The following MARCHF8 variants were observed in gnomAD, a reference collection of about 807,000 sequenced individuals.
MARCHF8 encodes the protein E3 ubiquitin-protein ligase MARCHF8.
In MARCHF8, 40 loss-of-function variants were observed where a neutral mutation model predicts 51.6. The ratio of observed to expected loss-of-function variants is 0.77; its 90% CI spans 0.60 to 1.01. MARCHF8 has a LOEUF of 1.01. Ranked by LOEUF, MARCHF8 falls within the 50% of genes least tolerant of loss-of-function variation. The pLI is 0.00. For missense variants in MARCHF8, 685 were observed against 708.6 expected (o/e 0.97, Z 0.38); for synonymous variants, 263 against 280.3 (o/e 0.94, Z 0.62).
intron 1 of MARCHF8, among the ~76,000 whole-genome samples, chr10:45,590,627 A>C (rs1049583621): frequency 6.6e-6 from 1 of 152,240 alleles, no homozygotes; most frequent in African/African-American, 2.4e-5. Flanking sequence ...AAGTTGCAGG[A>C]AAAAAAGTCC....
chr10:45,566,889 T>C (rs533944458), intron 1 of MARCHF8, among the ~76,000 whole-genome samples: 1 of 152,326 alleles, frequency 6.6e-6, no homozygotes, highest in Non-Finnish European at 1.5e-5. Flanking sequence ...TATACTAATT[T>C]CCATTCCTAC....
At chr10:45,495,875 G>T (rs1187689842) in intron 2 of MARCHF8, among the ~76,000 whole-genome samples, 1 of 151,438 alleles carries the variant, frequency 6.6e-6, no homozygotes, top group African/African-American at 2.4e-5. Context: ...AGAGAGAAAA[G>T]AAAAGAAAAG....
At chr10:45,536,713 G>A (rs1474302028), upstream of MARCHF8, among the ~76,000 whole-genome samples, 4 of 151,694 alleles carry the variant, frequency 2.6e-5, no homozygotes, top group African/African-American at 9.7e-5. Flanking sequence ...ATAAGGGCAA[G>A]GCCAGGTGCA....
At chr10:45,574,209 C>T (rs12777292) in intron 1 of MARCHF8, among the ~76,000 whole-genome samples, 18 of 152,252 alleles carry the variant, frequency 1.2e-4, no homozygotes, top group Non-Finnish European at 2.4e-4. Context: ...TCCCACAGCA[C>T]GCTTTAAAAG....
chr10:45,485,733 T>A lies in MARCHF8; in HGVS notation c.153+3634A>T, dbSNP rs181001729. Among the ~76,000 whole-genome samples the A allele has an allele frequency of 5.9e-5, 9 of 152,290 alleles. No individual in the cohort carries two copies. In the East Asian group the frequency reaches 1.7e-3, roughly 29 times the overall value. ...CCTCTAAATTTACGCCAGCAAGAGGTGAACTGCAGAAGCATAAAGCAGACT... is the reference window on the plus strand; with the variant it reads ...CCTCTAAATTTACGCCAGCAAGAGGAGAACTGCAGAAGCATAAAGCAGACT... On this transcript the variant is annotated intron_variant, in intron 3 of 7. Coordinates refer to ENST00000453424, the MANE Select transcript of MARCHF8 (RefSeq NM_001282866.2).
At chr10:45,563,542 T>C (rs1454198829) in intron 1 of MARCHF8, among the ~76,000 whole-genome samples, 1 of 151,846 alleles carries the variant, frequency 6.6e-6, no homozygotes, top group Non-Finnish European at 1.5e-5. Context: ...CAAAAATACT[T>C]CCAAACCAAT....
intron 1 of MARCHF8, among the ~76,000 whole-genome samples, chr10:45,566,347 C>T (rs544544120): frequency 6.6e-6 from 1 of 152,270 alleles, no homozygotes; most frequent in East Asian, 1.9e-4. Flanking sequence ...CTTTATTGTG[C>T]TATCAAACAG....
At chr10:45,495,975 A>C (rs921964693) in intron 2 of MARCHF8, among the ~76,000 whole-genome samples, 1 of 152,164 alleles carries the variant, frequency 6.6e-6, no homozygotes, top group East Asian at 1.9e-4. Context: ...AAAAAGATTA[A>C]CAGCTGACTT....
rs539511403 is a variant in MARCHF8, at chr10:45,463,521, C to T, written c.718G>A (p.Gly240Ser). ...TCCGCCTTCTCTTCCAGCAGCAGGC[C>T]GGGCCTGCCCCCCTTGCCAGCTTCC... ...EVEAGKGGRP[G>S]LLLEEKADGE... is the part of the protein sequence containing the mutation. Residue 240 changes from glycine (G) to serine (S), a missense_variant, in exon 5 of 8, where the codon GGC becomes AGC. Gly to Ser is a moderately conservative substitution (Grantham distance 56). Coordinates refer to ENST00000453424, the MANE Select transcript of MARCHF8 (RefSeq NM_001282866.2). The T allele has an allele frequency of 7.7e-6, 12 of 1,550,620 alleles. No homozygotes were observed. The highest frequency in any genetic ancestry group is 3.9e-5 in the Admixed American group (2 of 51,008).
chr10:45,539,255 G>A (rs926917019), upstream of MARCHF8, among the ~76,000 whole-genome samples: 30 of 152,228 alleles, frequency 2.0e-4, no homozygotes, highest in Non-Finnish European at 4.1e-4. Context: ...AAATAAAGAT[G>A]TTCTTTGAAA....
intron 2 of MARCHF8, among the ~76,000 whole-genome samples, chr10:45,491,715 A>G (rs1589115190): frequency 6.6e-6 from 1 of 152,250 alleles, no homozygotes; most frequent in East Asian, 1.9e-4. Context: ...GTGAGTCCCA[A>G]TTTTAAGGCC....
chr10:45,568,761 G>A (rs1268849230), intron 1 of MARCHF8, among the ~76,000 whole-genome samples: 1 of 147,524 alleles, frequency 6.8e-6, no homozygotes, highest in African/African-American at 2.5e-5. Flanking sequence ...ATGATAGCTG[G>A]TGAGCTTTAA....
chr10:45,528,776 C>T (rs1214022828), intron 2 of MARCHF8, among the ~76,000 whole-genome samples: 1 of 152,172 alleles, frequency 6.6e-6, no homozygotes, highest in African/African-American at 2.4e-5. Flanking sequence ...CAGAAATACA[C>T]TCAACCAAGG....
intron 1 of MARCHF8, chr10:45,553,032 G>C (rs1286966441): frequency 6.6e-6 from 1 of 152,030 alleles, no homozygotes; most frequent in African/African-American, 2.4e-5. Flanking sequence ...TTGACAAATT[G>C]AGTATATATA....
At chr10:45,559,766 C>T (rs1390915667) in intron 1 of MARCHF8, among the ~76,000 whole-genome samples, 1 of 152,144 alleles carries the variant, frequency 6.6e-6, no homozygotes, top group African/African-American at 2.4e-5. Flanking sequence ...CAATAGTTTT[C>T]ATACAAGTAT....
intron 3 of MARCHF8, among the ~76,000 whole-genome samples, chr10:45,466,054 T>C (rs903505548): frequency 6.6e-6 from 1 of 152,158 alleles, no homozygotes; most frequent in Admixed American, 6.5e-5. Context: ...GCCATTGTCC[T>C]TTTTCTCCAA....
intron 1 of MARCHF8, among the ~76,000 whole-genome samples, chr10:45,544,453 A>C (rs961633590): frequency 6.6e-6 from 1 of 152,204 alleles, no homozygotes; most frequent in Non-Finnish European, 1.5e-5. Context: ...ATAATAGCCC[A>C]AAACTGGAAA....
intron 2 of MARCHF8, among the ~76,000 whole-genome samples, chr10:45,496,026 T>C (rs774666299): frequency 5.8e-4 from 88 of 150,870 alleles, no homozygotes; most frequent in Non-Finnish European, 7.4e-4. Context: ...TGGAAGGACA[T>C]AAAGAACTCA....
chr10:45,504,931 T>G (rs930548206), intron 2 of MARCHF8, among the ~76,000 whole-genome samples: 1 of 152,180 alleles, frequency 6.6e-6, no homozygotes, highest in African/African-American at 2.4e-5. Context: ...AATTCCGACA[T>G]TCTACAAAGG....
Sources: gnomAD v4.1 joint callset for allele counts (sites outside exome capture counted in the v4.1 genomes callset) on GRCh38, gnomAD v4.1.1 for gene constraint, MANE v1.5 for transcripts, NCBI Gene and HGNC (gene_info 2026-07-23, HGNC 2026-07-21) for gene names.